Variants in MYCBP2 observed in about 807,000 individuals in gnomAD.
MYCBP2 encodes the protein MYC binding protein 2, also known as E3 ubiquitin-protein ligase MYCBP2.
In MYCBP2, 120 loss-of-function variants were observed where a neutral mutation model predicts 525.3. The ratio of observed to expected loss-of-function variants is 0.23; its 90% confidence interval spans 0.20 to 0.27. MYCBP2 has a LOEUF of 0.27. MYCBP2 is among the 10% of genes least tolerant of loss of function. MYCBP2 has a pLI of 1.00. For missense variants in MYCBP2, 4,149 were observed against 5,657.1 expected (o/e 0.73, Z 8.55); for synonymous variants, 1,894 against 1,955.8 (o/e 0.97, Z 0.83).
intron 1 of MYCBP2, among the ~76,000 whole-genome samples, chr13:77,310,722 C>T (rs955350591): frequency 3.3e-5 from 5 of 151,906 alleles, no homozygotes; most frequent in African/African-American, 4.8e-5. Context: ...ACAGATCTAA[C>T]AAACTGAAAG....
intron 80 of MYCBP2, among the ~76,000 whole-genome samples, chr13:77,052,574 A>G (rs990972286): frequency 5.3e-5 from 8 of 152,228 alleles, no homozygotes; most frequent in Admixed American, 5.2e-4. Context: ...AAAAAAGTAT[A>G]ATATTCCAAG....
chr13:77,188,214 T>G (rs2060933707), intron 30 of MYCBP2, among the ~76,000 whole-genome samples: 1 of 152,158 alleles, frequency 6.6e-6, no homozygotes, highest in Non-Finnish European at 1.5e-5. Context: ...GGAATATATA[T>G]TCACTTGGTG....
rs1166203192 is a variant in MYCBP2, at chr13:77,099,004, C to A, written c.8150G>T (p.Gly2717Val). 6.2e-7 allele frequency: 1 copy of A among 1,605,210 alleles called. No homozygotes were observed. Among genetic ancestry groups the A allele is most frequent in the Middle Eastern group, 1.7e-4 (1 of 6,046 alleles). Residue 2717 changes from glycine (G) to valine (V), a missense_variant, in exon 56 of 83, where the codon GGA (glycine) becomes GTA (valine). By Grantham distance (109) the Gly-to-Val change is moderately radical. This residue lies in a region of MYCBP2 where 653 missense variants were observed against 744.7 expected (regional missense o/e 0.88). Coordinates refer to ENST00000544440, the MANE Select transcript of MYCBP2 (RefSeq NM_015057.5). Reference sequence around the variant, plus strand: ...TGGTTTAGAAGATGTTGAGATGTTTCCTCGATCACCTGTATGGTCCATTTT... The same window carrying A: ...TGGTTTAGAAGATGTTGAGATGTTTACTCGATCACCTGTATGGTCCATTTT... ...YGLGNSKGDR[G>V]NISTSSKPAS...
intron 37 of MYCBP2, among the ~76,000 whole-genome samples, chr13:77,173,393 C>T (rs997526602): frequency 1.3e-5 from 2 of 152,134 alleles, no homozygotes; most frequent in Non-Finnish European, 2.9e-5. Context: ...TATTGTAGTG[C>T]TTATGTAACA....
chr13:77,115,616 T>C (rs933840559), intron 55 of MYCBP2, among the ~76,000 whole-genome samples: 2 of 151,656 alleles, frequency 1.3e-5, no homozygotes, highest in African/African-American at 4.8e-5. Context: ...AGAAAAGGTA[T>C]CAAAAATTAA....
At position 77,260,465 on chromosome 13, in the gene MYCBP2, G is replaced by A; in HGVS notation, c.1980C>T (p.Tyr660=). 6.2e-7 allele frequency: 1 copy of A among 1,607,332 alleles called. No individual in the cohort carries two copies. The highest frequency in any genetic ancestry group is 1.1e-5 in the South Asian group (1 of 89,330). The change falls in exon 13 of 83, where the codon TAC becomes TAT. Residue 660 remains tyrosine (Y), a synonymous_variant. Transcript: ENST00000544440. ...AGTAAATGGCATCTTTTCCAAACAT[G>A]TAGAGTTCTCCATCTTTAGAAATAA... The part of the protein sequence containing the change: ...SSVISKDGEL[Y]MFGKDAIYSD...
chr13:77,056,627 G>C (rs959287594), intron 79 of MYCBP2, among the ~76,000 whole-genome samples: 4 of 152,142 alleles, frequency 2.6e-5, no homozygotes, highest in Admixed American at 6.5e-5. Flanking sequence ...GCAGGTATCA[G>C]TTTCTACAAA....
chr13:77,162,561 T>G (rs937601631), intron 43 of MYCBP2, among the ~76,000 whole-genome samples: 2 of 152,204 alleles, frequency 1.3e-5, no homozygotes, highest in Non-Finnish European at 2.9e-5. Context: ...CGTGCTCCCT[T>G]AAAACTATCC....
At chr13:77,195,996 G>A (rs1280054220) in intron 26 of MYCBP2, among the ~76,000 whole-genome samples, 2 of 152,130 alleles carry the variant, frequency 1.3e-5, no homozygotes, top group South Asian at 2.1e-4. Flanking sequence ...GGGCATAAAG[G>A]GGCAAACAAT....
At chr13:77,056,631 C>G (rs2154065731) in intron 79 of MYCBP2, among the ~76,000 whole-genome samples, 1 of 152,256 alleles carries the variant, frequency 6.6e-6, no homozygotes, top group African/African-American at 2.4e-5. Flanking sequence ...GTATCAGTTT[C>G]TACAAACACC....
At chr13:77,160,348 T>G (rs1409884181) in intron 44 of MYCBP2, among the ~76,000 whole-genome samples, 5 of 152,232 alleles carry the variant, frequency 3.3e-5, no homozygotes, top group Non-Finnish European at 4.4e-5. Flanking sequence ...CATTTGTAAA[T>G]GGAGATAAAA....
At chr13:77,227,481 T>TACACACACACACACAC (rs71704593) in intron 18 of MYCBP2, among the ~76,000 whole-genome samples, 1 of 145,182 alleles carries the variant, frequency 6.9e-6, no homozygotes, top group Non-Finnish European at 1.5e-5. Flanking sequence ...CACACACACA[T>TACACACACACACACAC]ACACACACAC....
intron 34 of MYCBP2, 86 bp from the exon 35 acceptor site, chr13:77,178,040 A>G: frequency 1.2e-6 from 1 of 804,286 alleles, no homozygotes; most frequent in Non-Finnish European, 2.1e-6. Context: ...TAATAAAATA[A>G]CCTTTATTTA....
intron 37 of MYCBP2, 123 bp downstream of exon 37, chr13:77,174,188 T>C: frequency 1.5e-6 from 1 of 684,504 alleles, no homozygotes; most frequent in Non-Finnish European, 2.3e-6. Context: ...TGTACAAGTA[T>C]GTGCTAAGAA....
chr13:77,253,952 A>G (rs1230109511), intron 14 of MYCBP2, among the ~76,000 whole-genome samples: 1 of 151,966 alleles, frequency 6.6e-6, no homozygotes, highest in African/African-American at 2.4e-5. Context: ...AGGAGGTTTT[A>G]AACTCATTTA....
intron 4 of MYCBP2, among the ~76,000 whole-genome samples, chr13:77,277,502 T>C (rs1016589397): frequency 6.6e-6 from 1 of 152,142 alleles, no homozygotes; most frequent in Non-Finnish European, 1.5e-5. Flanking sequence ...ACACAATAAC[T>C]GAGTCCCCAC....
intron 2 of MYCBP2, among the ~76,000 whole-genome samples, chr13:77,293,769 C>G (rs916696229): frequency 8.6e-5 from 13 of 151,974 alleles, no homozygotes; most frequent in African/African-American, 3.1e-4. Flanking sequence ...GGAAGGGGGC[C>G]ACAACCCAAG....
intron 3 of MYCBP2, among the ~76,000 whole-genome samples, chr13:77,287,335 C>A (rs1472068793): frequency 2.0e-5 from 3 of 151,842 alleles, no homozygotes; most frequent in Non-Finnish European, 4.4e-5. Flanking sequence ...TAGGCGACTG[C>A]CACAATGCCG....
chr13:77,249,694 T>C (rs1262933295), intron 15 of MYCBP2, among the ~76,000 whole-genome samples: 1 of 152,124 alleles, frequency 6.6e-6, no homozygotes, highest in Non-Finnish European at 1.5e-5. Context: ...TACACCCAGC[T>C]AACACTGAAT....
Sources: gnomAD v4.1 joint callset for allele counts (sites outside exome capture counted in the v4.1 genomes callset) on GRCh38, gnomAD v4.1.1 for gene constraint, gnomAD v4.1.1 regional missense constraint, MANE v1.5 for transcripts, NCBI Gene and HGNC (gene_info 2026-07-23, HGNC 2026-07-21) for gene names.